The following NCOA2 variants were observed in gnomAD, a reference collection of about 807,000 sequenced individuals.
The protein encoded by NCOA2 is class E basic helix-loop-helix protein 75.
NCOA2 carries 21 observed loss-of-function variants against 145.1 expected under a neutral mutation model. The ratio of observed to expected loss-of-function variants is 0.14; its 90% CI spans 0.10 to 0.21. NCOA2 has a LOEUF of 0.21. NCOA2 is among the 10% of genes least tolerant of loss of function. NCOA2 has a pLI of 1.00. For missense variants in NCOA2, 1,472 were observed against 1,837.6 expected (o/e 0.80, Z 3.64); for synonymous variants, 619 against 637.5 (o/e 0.97, Z 0.44).
chr8:70,205,995 C>A (rs566941959), intron 4 of NCOA2, among the ~76,000 whole-genome samples: 12 of 152,328 alleles, frequency 7.9e-5, no homozygotes, highest in Admixed American at 3.3e-4. Flanking sequence ...ATTCACCTCC[C>A]CCACCCTCTG....
chr8:70,400,219 T>G (rs1290644897), intron 1 of NCOA2, among the ~76,000 whole-genome samples: 1 of 152,166 alleles, frequency 6.6e-6, no homozygotes, highest in African/African-American at 2.4e-5. Context: ...GGTGAGCTCC[T>G]TTTCTACCCT....
At chr8:70,202,633 C>T (rs557076182) in intron 4 of NCOA2, among the ~76,000 whole-genome samples, 1 of 152,176 alleles carries the variant, frequency 6.6e-6, no homozygotes, top group African/African-American at 2.4e-5. Context: ...TATAAGGTAT[C>T]CGAAGTAGTC....
At chr8:70,391,291 G>C (rs1813184513) in intron 1 of NCOA2, among the ~76,000 whole-genome samples, 1 of 152,174 alleles carries the variant, frequency 6.6e-6, no homozygotes, top group South Asian at 2.1e-4. Context: ...AGCCAAGGGG[G>C]CTGTAAAATT....
At chr8:70,134,796 A>T (rs1238401545) in intron 15 of NCOA2, among the ~76,000 whole-genome samples, 1 of 152,136 alleles carries the variant, frequency 6.6e-6, no homozygotes, top group African/African-American at 2.4e-5. Flanking sequence ...ACCCCAAATA[A>T]ATGCAGAGAT....
upstream of NCOA2, among the ~76,000 whole-genome samples, chr8:70,408,290 C>G (rs995315114): frequency 6.6e-6 from 1 of 152,098 alleles, no homozygotes; most frequent in Non-Finnish European, 1.5e-5. Flanking sequence ...TCAAAAGAAT[C>G]CATGAACTAC....
At chr8:70,329,248 TTGGGACTACA>T (rs1290735502) in intron 1 of NCOA2, among the ~76,000 whole-genome samples, 1 of 151,814 alleles carries the variant, frequency 6.6e-6, no homozygotes, top group Non-Finnish European at 1.5e-5. Context: ...TCCTAAGTAG[TTGGGACTACA>T]GGCGTGAGCC....
intron 4 of NCOA2, among the ~76,000 whole-genome samples, chr8:70,189,461 T>C (rs1003643021): frequency 1.3e-5 from 2 of 152,284 alleles, no homozygotes; most frequent in South Asian, 2.1e-4. Context: ...TGTATCTCTA[T>C]TCACCATGCA....
At chr8:70,178,009 A>G (rs1172624978) in intron 4 of NCOA2, among the ~76,000 whole-genome samples, 1 of 152,292 alleles carries the variant, frequency 6.6e-6, no homozygotes, top group East Asian at 1.9e-4. Context: ...AGGCCTTGTG[A>G]GATGTTTATA....
At chr8:70,206,762 T>C (rs1818485694) in intron 4 of NCOA2, among the ~76,000 whole-genome samples, 1 of 152,214 alleles carries the variant, frequency 6.6e-6, no homozygotes, top group African/African-American at 2.4e-5. Context: ...ATACATCTTA[T>C]TCTACAGTCT....
intron 2 of NCOA2, among the ~76,000 whole-genome samples, chr8:70,223,445 G>T (rs1820336938): frequency 6.6e-6 from 1 of 152,048 alleles, no homozygotes; most frequent in Non-Finnish European, 1.5e-5. Flanking sequence ...ATGTTGTTTG[G>T]TTTTTTTGCT....
chr8:70,394,483 T>G (rs999940644), intron 1 of NCOA2, among the ~76,000 whole-genome samples: 1 of 152,182 alleles, frequency 6.6e-6, no homozygotes, highest in Non-Finnish European at 1.5e-5. Flanking sequence ...GAAATAAATA[T>G]TTTTACATCA....
At chr8:70,287,079 C>CA (rs1305844595) in intron 2 of NCOA2, among the ~76,000 whole-genome samples, 3 of 151,862 alleles carry the variant, frequency 2.0e-5, no homozygotes, top group Admixed American at 2.0e-4. Context: ...CCTGTCTCTA[C>CA]AAAAAAATAC....
At chr8:70,398,612 T>A (rs1253729812) in intron 1 of NCOA2, among the ~76,000 whole-genome samples, 1 of 152,252 alleles carries the variant, frequency 6.6e-6, no homozygotes, top group African/African-American at 2.4e-5. Flanking sequence ...ATCTGTCAGC[T>A]GACGCCTAGT....
At chr8:70,308,434 GGT>G (rs370382965) in intron 1 of NCOA2, among the ~76,000 whole-genome samples, 2 of 151,606 alleles carry the variant, frequency 1.3e-5, no homozygotes, top group East Asian at 1.9e-4. Context: ...TATGAAATGA[GGT>G]GTGTGTGTGT....
intron 2 of NCOA2, among the ~76,000 whole-genome samples, chr8:70,272,634 C>T (rs146006937): frequency 2.0e-5 from 3 of 152,228 alleles, no homozygotes; most frequent in African/African-American, 7.2e-5. Flanking sequence ...AAGGGGTGTG[C>T]ACGTAAGAGG....
intron 1 of NCOA2, among the ~76,000 whole-genome samples, chr8:70,374,869 G>A (rs1811535965): frequency 6.6e-6 from 1 of 151,074 alleles, no homozygotes; most frequent in Non-Finnish European, 1.5e-5. Context: ...TCTAAAAGAT[G>A]AGATTACAGA....
chr8:70,422,852 A>T, the NCOA2 span, among the ~76,000 whole-genome samples: 2 of 151,816 alleles, frequency 1.3e-5, no homozygotes, highest in African/African-American at 4.8e-5. Context: ...TATTTTATGT[A>T]TGTCATTAAA....
chr8:70,330,575 A>T (rs1807006013), intron 1 of NCOA2, among the ~76,000 whole-genome samples: 1 of 151,810 alleles, frequency 6.6e-6, no homozygotes, highest in East Asian at 1.9e-4. Flanking sequence ...TCTCAAAAAA[A>T]AAAAAAACCC....
At chr8:70,287,543 A>G (rs1826324605) in intron 2 of NCOA2, among the ~76,000 whole-genome samples, 1 of 152,230 alleles carries the variant, frequency 6.6e-6, no homozygotes, top group East Asian at 1.9e-4. Context: ...GAGACGAATC[A>G]AAGGGAGTAG....
Sources: allele counts gnomAD v4.1 joint callset (sites outside exome capture counted in the v4.1 genomes callset), GRCh38; gene constraint gnomAD v4.1.1; transcripts MANE v1.5; gene names NCBI Gene and HGNC (gene_info 2026-07-23, HGNC 2026-07-21).